The following MYH15 variants were observed in gnomAD, a reference collection of about 807,000 sequenced individuals.
MYH15 encodes the protein myosin heavy chain 15, also known as myosin-15.
Under a neutral mutation model 240.5 loss-of-function variants are expected in MYH15, and 227 were observed. That is an observed-to-expected ratio of 0.94 (90% CI 0.85 to 1.05). The LOEUF is 1.05. Among genes scored for constraint, MYH15 ranks in the 50% least tolerant of loss-of-function variants. The pLI, the probability that MYH15 is intolerant of heterozygous loss-of-function variation, is 0.00. For synonymous variants in MYH15, 785 were observed against 796.7 expected, an observed-to-expected ratio of 0.99 and a Z score of 0.25; for missense variants, 2,217 against 2,247.5, an observed-to-expected ratio of 0.99 and a Z score of 0.27.
intron 11 of MYH15, among the ~76,000 whole-genome samples, chr3:108,480,496 A>G (rs531794623): frequency 1.4e-3 from 209 of 152,348 alleles, no homozygotes; most frequent in Admixed American, 4.0e-3. Flanking sequence ...AAGCAGAGAA[A>G]TGACATAATT....
chr3:108,398,571 C>T, intron 35 of MYH15, 66 bp downstream of exon 35: 1 of 1,535,594 alleles, frequency 6.5e-7, no homozygotes, highest in Non-Finnish European at 9.0e-7. Flanking sequence ...CAAGGCCGCC[C>T]CAAGTGTGGG....
intron 1 of MYH15, among the ~76,000 whole-genome samples, chr3:108,525,905 A>G (rs1226080220): frequency 1.3e-5 from 2 of 152,156 alleles, no homozygotes; most frequent in Non-Finnish European, 2.9e-5. Context: ...CATCTGTATT[A>G]TTAAACAAAT....
intron 21 of MYH15, among the ~76,000 whole-genome samples, chr3:108,452,350 A>G (rs992809754): frequency 6.6e-6 from 1 of 152,142 alleles, no homozygotes; most frequent in Non-Finnish European, 1.5e-5. Context: ...TATGTATATG[A>G]ATGGGGAGAC....
At chr3:108,407,511 C>T (rs780510415) in intron 32 of MYH15, among the ~76,000 whole-genome samples, 1 of 152,076 alleles carries the variant, frequency 6.6e-6, no homozygotes, top group African/African-American at 2.4e-5. Context: ...CCTTCTTTGG[C>T]GAAATGTCTT....
intron 40 of MYH15, among the ~76,000 whole-genome samples, chr3:108,382,592 T>A (rs1403220331): frequency 6.6e-6 from 1 of 152,120 alleles, no homozygotes; most frequent in South Asian, 2.1e-4. Context: ...CTTTCCATAG[T>A]AGACACATGT....
At chr3:108,419,227 A>G (rs891507869) in intron 28 of MYH15, among the ~76,000 whole-genome samples, 1 of 152,218 alleles carries the variant, frequency 6.6e-6, no homozygotes, top group Admixed American at 6.5e-5. Context: ...ACAAAAAAAC[A>G]AAAAACAAAA....
chr3:108,495,684 G>A (rs1306296891), intron 7 of MYH15, 96 bp downstream of exon 7: 2 of 776,870 alleles, frequency 2.6e-6, no homozygotes, highest in African/African-American at 3.5e-5. Flanking sequence ...CTTCTTTGGT[G>A]TTCTATAATT....
chr3:108,477,711 C>T (rs756318241), intron 11 of MYH15, among the ~76,000 whole-genome samples: 49 of 152,116 alleles, frequency 3.2e-4, no homozygotes, highest in Non-Finnish European at 6.0e-4. Context: ...CCTTCCTTTC[C>T]CGGCAAGGTC....
At chr3:108,405,555 C>CA in intron 32 of MYH15, 102 bp from the exon 33 acceptor site, 1 of 609,476 alleles carries the variant, frequency 1.6e-6, no homozygotes, top group Non-Finnish European at 2.6e-6. Context: ...CTTAGAGTTA[C>CA]TGGGAGAGAT....
At chr3:108,506,181 C>T (rs1467979142) in intron 1 of MYH15, among the ~76,000 whole-genome samples, 1 of 151,972 alleles carries the variant, frequency 6.6e-6, no homozygotes, top group Non-Finnish European at 1.5e-5. Flanking sequence ...TTCCAGATTC[C>T]CTCCCCCGAG....
upstream of MYH15, among the ~76,000 whole-genome samples, chr3:108,513,852 A>AAT (rs1183568926): frequency 6.6e-6 from 1 of 152,238 alleles, no homozygotes; most frequent in African/African-American, 2.4e-5. Flanking sequence ...GAAAGACATT[A>AAT]GATCATCATG....
At chr3:108,384,332 T>C (rs979466997) in intron 39 of MYH15, among the ~76,000 whole-genome samples, 3 of 152,164 alleles carry the variant, frequency 2.0e-5, no homozygotes, top group Non-Finnish European at 4.4e-5. Context: ...CTGTGAACCA[T>C]GTTTATGTTT....
At chr3:108,408,020 G>C (rs1185477757) in intron 32 of MYH15, among the ~76,000 whole-genome samples, 1 of 152,206 alleles carries the variant, frequency 6.6e-6, no homozygotes, top group African/African-American at 2.4e-5. Context: ...AAGATAGATA[G>C]TTCCTGTTTT....
At chr3:108,406,970 CT>C (rs1396277146) in intron 32 of MYH15, among the ~76,000 whole-genome samples, 1 of 152,122 alleles carries the variant, frequency 6.6e-6, no homozygotes, top group East Asian at 1.9e-4. Flanking sequence ...AAGGTGGTGG[CT>C]TCAAAAAGTC....
At chr3:108,445,605 A>G (rs2107572093) in intron 21 of MYH15, among the ~76,000 whole-genome samples, 1 of 152,274 alleles carries the variant, frequency 6.6e-6, no homozygotes, top group African/African-American at 2.4e-5. Flanking sequence ...AAACCCAAGC[A>G]CCAGAAGTTC....
intron 1 of MYH15, among the ~76,000 whole-genome samples, chr3:108,515,778 C>T: frequency 6.6e-6 from 1 of 152,310 alleles, no homozygotes; most frequent in East Asian, 1.9e-4. Flanking sequence ...AAGACAGTAG[C>T]TTTGCTTTCC....
At position 108,460,318 on chromosome 3, in the gene MYH15, C is replaced by A; in HGVS notation, c.1914G>T (p.Thr638=). The A allele has an allele frequency of 1.3e-6, 2 of 1,599,114 alleles. No individual in the cohort carries two copies. Among genetic ancestry groups the A allele is most frequent in the African/African-American group, 1.3e-5 (1 of 74,300 alleles). ...AAATTACTTTATGCAGAGATGCAAC[C>A]GTTTGGAATGAAGCTCCTTTCTTTC... ...KKRKKGASFQ[T]VASLHKENLN... The change falls in exon 17 of 41, where the codon ACG becomes ACT. Residue 638 remains threonine (T), a synonymous_variant. Transcript: ENST00000693548.
intron 31 of MYH15, among the ~76,000 whole-genome samples, chr3:108,409,492 A>C (rs1231186415): frequency 2.6e-5 from 4 of 152,344 alleles, no homozygotes; most frequent in African/African-American, 9.6e-5. Flanking sequence ...GTGCTTTAAC[A>C]AGCCCTCCAG....
intron 33 of MYH15, among the ~76,000 whole-genome samples, chr3:108,404,508 C>T (rs1385701567): frequency 2.0e-5 from 3 of 152,152 alleles, no homozygotes; most frequent in Non-Finnish European, 2.9e-5. Flanking sequence ...AAGTGCTTTG[C>T]CAACATCAGC....
Sources: gnomAD v4.1 joint callset for allele counts (sites outside exome capture counted in the v4.1 genomes callset) on GRCh38, gnomAD v4.1.1 for gene constraint, MANE v1.5 for transcripts, NCBI Gene and HGNC (gene_info 2026-07-23, HGNC 2026-07-21) for gene names.